TSPO: variants seen among roughly 807,000 people sequenced by gnomAD.
TSPO encodes the protein translocator protein, also known as benzodiazepine peripheral binding site.
In TSPO, 14 loss-of-function variants were observed where a neutral mutation model predicts 13.9. The observed-to-expected ratio is 1.01, with a 90% CI of 0.67 to 1.58. The LOEUF (loss-of-function observed/expected upper bound fraction) is 1.58, where lower values mean the gene tolerates loss of function less well. Ranked by LOEUF, TSPO falls within the 40% of genes most tolerant of loss-of-function variation. The pLI is 0.00. For missense variants in TSPO, 232 were observed against 229.6 expected (o/e 1.01, Z -0.07); for synonymous variants, 114 against 105.9 (o/e 1.08, Z -0.47).
At chr22:43,161,478 A>G (rs532843256) in intron 3 of TSPO, among the ~76,000 whole-genome samples, 1 of 150,626 alleles carries the variant, frequency 6.6e-6, no homozygotes, top group Non-Finnish European at 1.5e-5. Context: ...TGGCCCCTCT[A>G]CATAACAGCT....
chr22:43,161,553 T>C (rs1443891783), intron 3 of TSPO, among the ~76,000 whole-genome samples: 6 of 150,988 alleles, frequency 4.0e-5, no homozygotes, highest in African/African-American at 7.3e-5. Context: ...AGTGGTGAGA[T>C]CTCGGCCCAC....
intron 1 of TSPO, among the ~76,000 whole-genome samples, chr22:43,153,228 AC>A (rs1417299758): frequency 3.3e-5 from 5 of 151,018 alleles, no homozygotes; most frequent in African/African-American, 1.2e-4. Flanking sequence ...ATCATAGCTC[AC>A]TGCAGTCTCC....
chr22:43,153,975 TAAAAAA>T (rs994592735), intron 1 of TSPO, among the ~76,000 whole-genome samples: 2 of 151,672 alleles, frequency 1.3e-5, no homozygotes, highest in African/African-American at 2.4e-5. Flanking sequence ...TATTTTTTAC[TAAAAAA>T]AAGTTTAACC....
In TSPO at chr22:43,153,565, A is replaced by T. The variant is rs1931158658; in HGVS notation, c.-30+1961A>T. 2.7e-5 allele frequency among the ~76,000 whole-genome samples: 2 copies of T among 73,860 alleles called. 1 individual carries two copies. Among genetic ancestry groups the T allele is most frequent in the Non-Finnish European group, 5.7e-5 (2 of 35,128 alleles). The allele number at this position is 73,860 out of a possible 152,430, so 48.5% of individuals were successfully genotyped here. On this transcript the variant is annotated intron_variant, in intron 1 of 3. Transcript: ENST00000337554. The stretch of plus-strand genomic sequence containing the variant: ...ACGGGGTTTCACCTTGTTAGCCAGG[A>T]TGGTCTCGATCTCCTGACCTCATGA...
At position 43,152,454 on chromosome 22, in the gene TSPO, C is replaced by T. The variant is rs571211834; in HGVS notation, c.-30+850C>T. Among the ~76,000 whole-genome samples, 5 of 152,386 alleles carry T rather than the reference C, an allele frequency of 3.3e-5. No individual in the cohort carries two copies. The South Asian group carries it at 1.0e-3, about 32-fold the overall frequency. On this transcript the variant is annotated intron_variant, in intron 1 of 3. Transcript: ENST00000337554. ...GGGGAGGTGGTGTACAGGAAGCAGC[C>T]GCCCAGCTTGCCTGGCACACAGCAA... is the stretch of plus-strand genomic sequence containing the variant.
At chr22:43,160,804 A>G (rs572664115) in intron 2 of TSPO, among the ~76,000 whole-genome samples, 1 of 152,220 alleles carries the variant, frequency 6.6e-6, no homozygotes, top group South Asian at 2.1e-4. Context: ...AGTGACAGTG[A>G]TAATAATGGC....
Position 43,163,003 on chromosome 22 carries a change from A to T in TSPO, c.*12A>T. ...GGCTGCCAGAGTGAGTGCCCGGCCC[A>T]CCAGGGACTGCAGCTGCACCAGCAG... On this transcript the variant is annotated 3_prime_UTR_variant, in exon 4 of 4. Transcript: ENST00000337554. The T allele has an allele frequency of 6.3e-7, 1 of 1,579,126 alleles. No homozygotes were observed. The highest frequency in any genetic ancestry group is 1.3e-5 in the African/African-American group (1 of 74,348).
intron 1 of TSPO, among the ~76,000 whole-genome samples, chr22:43,156,475 T>C (rs1931252379): frequency 6.6e-6 from 1 of 151,178 alleles, no homozygotes; most frequent in African/African-American, 2.4e-5. Flanking sequence ...CGTGATTCCA[T>C]TGATACCAAA....
At chr22:43,159,636 C>G (rs952240744) in intron 2 of TSPO, 5 of 463,982 alleles carry the variant, frequency 1.1e-5, no homozygotes, top group African/African-American at 2.0e-5. Flanking sequence ...ATGCTCACCC[C>G]ACCCTGGCAT....
At chr22:43,152,338 C>G (rs146334626) in intron 1 of TSPO, 1 of 152,360 alleles carries the variant, frequency 6.6e-6, no homozygotes, top group Non-Finnish European at 1.5e-5. Context: ...GCCAGGGCTA[C>G]GGGATACCAG....
At chr22:43,158,033 C>T (rs1457735475) in intron 1 of TSPO, among the ~76,000 whole-genome samples, 1 of 152,150 alleles carries the variant, frequency 6.6e-6, no homozygotes, top group African/African-American at 2.4e-5. Context: ...TCTGTGCTCA[C>T]CCAGCTCCAT....
intron 1 of TSPO, among the ~76,000 whole-genome samples, chr22:43,152,836 T>C (rs73886412): frequency 0.023 from 3,533 of 152,316 alleles, 119 homozygotes; most frequent in African/African-American, 0.079. Flanking sequence ...GGAGTGTGTG[T>C]GTGCACATGT....
Position 43,159,375 on chromosome 22 carries a change from A to G in TSPO, c.137A>G (p.His46Arg). 6.5e-7 allele frequency: 1 copy of G among 1,543,878 alleles called. No homozygotes were observed. The highest frequency in any genetic ancestry group is 8.7e-7 in the Non-Finnish European group (1 of 1,145,388). Residue 46 changes from histidine to arginine, a missense_variant, in exon 2 of 4, where the codon CAC becomes CGC. Coordinates refer to ENST00000337554, the MANE Select transcript of TSPO (RefSeq NM_000714.6). Reference sequence around the variant, plus strand: ...CAGAAGCCCTCGTGGCACCCGCCCCACTGGGTGCTGGGCCCTGTCTGGGGC... The same window carrying G: ...CAGAAGCCCTCGTGGCACCCGCCCCGCTGGGTGCTGGGCCCTGTCTGGGGC... The part of the protein sequence containing the change: ...GLQKPSWHPP[H>R]WVLGPVWGTL...
At chr22:43,155,166 C>A (rs1417648941) in intron 1 of TSPO, among the ~76,000 whole-genome samples, 1 of 152,178 alleles carries the variant, frequency 6.6e-6, no homozygotes, top group African/African-American at 2.4e-5. Context: ...AGTTCTGTGA[C>A]TTCTCATGTC....
At chr22:43,160,320 T>C (rs1001879141) in intron 2 of TSPO, among the ~76,000 whole-genome samples, 5 of 152,188 alleles carry the variant, frequency 3.3e-5, no homozygotes, top group African/African-American at 1.2e-4. Context: ...GAACCCCTCA[T>C]TAGTAGGTGA....
intron 1 of TSPO, among the ~76,000 whole-genome samples, chr22:43,152,608 G>C (rs1931107409): frequency 6.6e-6 from 1 of 152,280 alleles, no homozygotes; most frequent in Admixed American, 6.5e-5. Flanking sequence ...GTGTGGCAAG[G>C]ACAGGAGAGC....
At chr22:43,157,004 C>T (rs985395570) in intron 1 of TSPO, among the ~76,000 whole-genome samples, 4 of 152,304 alleles carry the variant, frequency 2.6e-5, no homozygotes, top group South Asian at 2.1e-4. Context: ...TGTGGACTCA[C>T]GCAGGCTCCA....
rs1601761515 is a variant in TSPO, at chr22:43,163,151, C to T, written c.*160C>T. On this transcript the variant is annotated 3_prime_UTR_variant, in exon 4 of 4. Coordinates refer to ENST00000337554, the MANE Select transcript of TSPO (RefSeq NM_000714.6). ...GAGGTGGCCCCACCTGAGCCCCCAC[C>T]CGGGAGCAGTGTCCTGTGCTTTCTG... 2.7e-6 allele frequency: 4 copies of T among 1,462,728 alleles called. No individual in the cohort carries two copies. Among genetic ancestry groups the T allele is most frequent in the East Asian group, 5.0e-5 (2 of 40,278 alleles). The allele number at this position is 1,462,728 out of a possible 1,614,324, so 90.6% of individuals were successfully genotyped here. A position where few individuals can be genotyped will look rare whatever the true frequency, so the allele number is the denominator to read the frequency against.
intron 1 of TSPO, among the ~76,000 whole-genome samples, chr22:43,153,045 C>G (rs995091967): frequency 6.6e-6 from 1 of 151,434 alleles, no homozygotes. Flanking sequence ...CTCCCCTTCC[C>G]ACCCCTTCTT....
Sources: allele counts gnomAD v4.1 joint callset (sites outside exome capture counted in the v4.1 genomes callset), GRCh38; gene constraint gnomAD v4.1.1; transcripts MANE v1.5; gene names NCBI Gene and HGNC (gene_info 2026-07-23, HGNC 2026-07-21).